Variants in RUFY1 observed in about 807,000 individuals in gnomAD.
The protein encoded by RUFY1 is RUN and FYVE domain-containing protein 1.
A neutral mutation model predicts 94.6 loss-of-function variants in RUFY1; 54 were observed. The observed-to-expected ratio is 0.57, with a 90% CI of 0.46 to 0.72. The LOEUF (loss-of-function observed/expected upper bound fraction) is 0.72. Among genes scored for constraint, RUFY1 ranks in the 30% least tolerant of loss-of-function variants. The pLI is 0.00. For synonymous variants in RUFY1, 396 were observed against 347.3 expected, an observed-to-expected ratio of 1.14 and a Z score of -1.56; for missense variants, 883 against 883.9, an observed-to-expected ratio of 1.00 and a Z score of 0.01.
Position 179,601,986 on chromosome 5 carries a change from A to G in RUFY1, c.1856A>G (p.Gln619Arg). 2 of 1,612,000 alleles carry G rather than the reference A, an allele frequency of 1.2e-6. No homozygotes were observed. The highest frequency in any genetic ancestry group is 1.7e-6 in the Non-Finnish European group (2 of 1,178,372). Residue 619 changes from glutamine to arginine, a missense_variant and splice_region_variant, in exon 15 of 18, where the codon CAG (glutamine) becomes CGG (arginine). By Grantham distance (43) the Gln-to-Arg change is conservative (BLOSUM62 1). Transcript: ENST00000319449. ...CAGGAAATGGGCCTGCACCTCAGCC[A>G]GTAAGAACCCCACTCCCCTTGTCTG... Reference protein sequence around the residue: ...ALQEMGLHLSQSKLKMEDIKE... With the variant: ...ALQEMGLHLSRSKLKMEDIKE...
rs781653655 is a variant in RUFY1, at chr5:179,594,846, CCCTT to C, written c.1414-15_1414-12del. ...GGATGTGGGACAGGCAGAGTATGAACCCTTCCTTTGCTTTTGTAGAATGCAGAGA... is the reference window on the plus strand; with the variant it reads ...GGATGTGGGACAGGCAGAGTATGAACCCTTTGCTTTTGTAGAATGCAGAGA... On this transcript the variant is annotated splice_polypyrimidine_tract_variant and intron_variant, in intron 11 of 17. Transcript: ENST00000319449. The C allele has an allele frequency of 6.5e-7, 1 of 1,546,804 alleles. No individual in the cohort carries two copies. Among genetic ancestry groups the C allele is most frequent in the Admixed American group, 1.7e-5 (1 of 59,384 alleles).
chr5:179,596,070 C>T (rs1378495622), intron 12 of RUFY1: 8 of 174,880 alleles, frequency 4.6e-5, no homozygotes, highest in South Asian at 1.1e-4. Flanking sequence ...TCATAACTGC[C>T]AAAAGCTAGA....
intron 3 of RUFY1, 34 bp from the exon 4 acceptor site, chr5:179,567,427 T>C (rs1342751670): frequency 5.3e-6 from 8 of 1,509,490 alleles, no homozygotes; most frequent in African/African-American, 2.7e-5. Context: ...GTTGTTGTTA[T>C]GCCACAATAG....
In RUFY1 at chr5:179,563,757, C is replaced by T. The variant is rs1025189177; in HGVS notation, c.602+1093C>T. Among the ~76,000 whole-genome samples the T allele has an allele frequency of 5.3e-5, 8 of 152,234 alleles. No homozygotes were observed. The East Asian group carries it at 1.5e-3, about 29-fold the overall frequency. The stretch of plus-strand genomic sequence containing the variant: ...CACAATCTCAGCTCTCTGCAACCTC[C>T]GCTTCCTAGGTTCAAGCGATTCTCA... On this transcript the variant is annotated intron_variant, in intron 3 of 17. Coordinates refer to ENST00000319449, the MANE Select transcript of RUFY1 (RefSeq NM_025158.5).
intron 4 of RUFY1, 148 bp from the exon 5 acceptor site, chr5:179,569,154 C>T: frequency 1.3e-6 from 2 of 1,523,616 alleles, no homozygotes; most frequent in African/African-American, 1.4e-5. Context: ...GCCGTTGAAG[C>T]AGTGAAGAGA....
chr5:179,560,297 C>G (rs557290500), intron 2 of RUFY1, 99 bp downstream of exon 2: 1 of 1,424,216 alleles, frequency 7.0e-7, no homozygotes, highest in African/African-American at 1.4e-5. Flanking sequence ...TGCTGAAATG[C>G]CAGCAGTGTA....
Position 179,609,516 on chromosome 5 carries a change from C to T in RUFY1, c.2124C>T (p.Ser708=), listed in dbSNP as rs1489205108. Residue 708 remains serine (S), a synonymous_variant, in exon 18 of 18, where the codon TCC becomes TCT. Transcript: ENST00000319449. ...TGCAGCGCTGCTCCTCCACGGCCTC[C>T]TGAACGTCCGTCCTCAGGAGCACAG... ...LLLQRCSSTA[S] 4 of 1,601,260 alleles carry T rather than the reference C, an allele frequency of 2.5e-6. No homozygotes were observed. In the South Asian group the frequency reaches 4.4e-5, roughly 18 times the overall value.
At chr5:179,575,287 A>C (rs1763532858) in intron 5 of RUFY1, among the ~76,000 whole-genome samples, 2 of 152,130 alleles carry the variant, frequency 1.3e-5, no homozygotes, top group Admixed American at 1.3e-4. Context: ...TCAAGAGCGC[A>C]CGTGCTTACA....
Position 179,550,667 on chromosome 5 carries a change from G to T in RUFY1, c.98G>T (p.Gly33Val). 1.3e-6 allele frequency: 2 copies of T among 1,493,098 alleles called. No homozygotes were observed. The highest frequency in any genetic ancestry group is 8.9e-7 in the Non-Finnish European group (1 of 1,127,192). The allele number at this position is 1,493,098 out of a possible 1,614,324, so 92.5% of individuals were successfully genotyped here. A position where few individuals can be genotyped will look rare whatever the true frequency, so the allele number is the denominator to read the frequency against. Reference sequence around the variant, plus strand: ...GGGCCCGGGTCAGCGCTTGAGCCGGGAGAAGAGTTTGAGATCGTGGACCGA... The same window carrying T: ...GGGCCCGGGTCAGCGCTTGAGCCGGTAGAAGAGTTTGAGATCGTGGACCGA... ...GPGPGSALEP[G>V]EEFEIVDRSQ... Residue 33 changes from glycine (G) to valine (V), a missense_variant, in exon 1 of 18, where the codon GGA becomes GTA. Transcript: ENST00000319449.
chr5:179,581,741 C>T (rs55696570), intron 7 of RUFY1, among the ~76,000 whole-genome samples: 28,678 of 149,998 alleles, frequency 0.19, 3,433 homozygotes, highest in Non-Finnish European at 0.27. Flanking sequence ...AGTGTAGTGG[C>T]GTGATCTCAG....
At chr5:179,589,075 T>A (rs1469616372) in intron 8 of RUFY1, among the ~76,000 whole-genome samples, 1 of 152,206 alleles carries the variant, frequency 6.6e-6, no homozygotes, top group East Asian at 1.9e-4. Flanking sequence ...GATTTTTTTT[T>A]AATACAGGTG....
At chr5:179,551,002 G>A in intron 1 of RUFY1, 123 bp downstream of exon 1, 1 of 848,860 alleles carries the variant, frequency 1.2e-6, no homozygotes, top group South Asian at 5.4e-5. Context: ...CGAGCTGTTG[G>A]CGGGCGGGCG....
In RUFY1 at chr5:179,607,564, A is replaced by AGAC; in HGVS notation, c.1906-18_1906-17insGAC. On this transcript the variant is annotated splice_polypyrimidine_tract_variant and intron_variant, in intron 16 of 17. Coordinates refer to ENST00000319449, the MANE Select transcript of RUFY1 (RefSeq NM_025158.5). ...GCTTAGACAGAAAGTGGATTCTAGA[A>AGAC]TGTCCTTTCCTCTTCAGGGCCACGC... The AGAC allele has an allele frequency of 6.2e-7, 1 of 1,612,860 alleles. No individual in the cohort carries two copies.
At chr5:179,555,413 A>T (rs1489464791) in intron 1 of RUFY1, among the ~76,000 whole-genome samples, 1 of 152,142 alleles carries the variant, frequency 6.6e-6, no homozygotes, top group Non-Finnish European at 1.5e-5. Context: ...AAATTGAGAG[A>T]TAGAACCGCT....
intron 17 of RUFY1, 43 bp from the exon 18 acceptor site, chr5:179,609,332 CT>C: frequency 2.5e-6 from 4 of 1,597,442 alleles, no homozygotes; most frequent in South Asian, 1.1e-5. Context: ...GTGCGGATGG[CT>C]TTTCCCCGGG....
intron 1 of RUFY1, among the ~76,000 whole-genome samples, chr5:179,556,277 A>T (rs1255455709): frequency 1.3e-5 from 2 of 152,102 alleles, no homozygotes; most frequent in Non-Finnish European, 2.9e-5. Flanking sequence ...GAATTAATGT[A>T]ATAGATTTGT....
At chr5:179,572,879 A>AT in intron 5 of RUFY1, 1 of 152,310 alleles carries the variant, frequency 6.6e-6, no homozygotes, top group African/African-American at 2.4e-5. Flanking sequence ...TACCTGGGTA[A>AT]TTTTTTACAC....
In RUFY1 at chr5:179,569,336, G is replaced by A. The variant is rs1763052105; in HGVS notation, c.739G>A (p.Glu247Lys). 1 of 1,613,748 alleles carries A rather than the reference G, an allele frequency of 6.2e-7. No individual in the cohort carries two copies. Among genetic ancestry groups the A allele is most frequent in the Admixed American group, 1.7e-5 (1 of 59,922 alleles). ...TGAGCCTGAGGCTTTAATGATGGAG[G>A]AAGAAGGGATGGTGATTGTTGGTCT... ...FYEPEALMME[E>K]EGMVIVGLLV... is the part of the protein sequence containing the mutation. The change falls in exon 5 of 18, where the codon GAA becomes AAA. Residue 247 changes from glutamate to lysine, a missense_variant. By Grantham distance (56) the Glu-to-Lys change is moderately conservative. Coordinates refer to ENST00000319449, the MANE Select transcript of RUFY1 (RefSeq NM_025158.5).
At chr5:179,580,794 A>G (rs1764097190) in intron 6 of RUFY1, among the ~76,000 whole-genome samples, 153 bp from the exon 7 acceptor site, 1 of 151,478 alleles carries the variant, frequency 6.6e-6, no homozygotes, top group Non-Finnish European at 1.5e-5. Context: ...TTCTCTCTGT[A>G]CTCTGGGATG....
Sources: allele counts gnomAD v4.1 joint callset (sites outside exome capture counted in the v4.1 genomes callset), GRCh38; gene constraint gnomAD v4.1.1; transcripts MANE v1.5; gene names NCBI Gene and HGNC (gene_info 2026-07-23, HGNC 2026-07-21).